Variants in FCHSD2 observed in about 807,000 individuals in gnomAD.
FCHSD2 encodes FCH and double SH3 domains 2, also known as F-BAR and double SH3 domains protein 2.
Under a neutral mutation model 108.1 loss-of-function variants are expected in FCHSD2, and 38 were observed. That is an observed-to-expected ratio of 0.35 (90% CI 0.27 to 0.46). FCHSD2 has a LOEUF of 0.46. FCHSD2 is among the 20% of genes least tolerant of loss of function. The pLI is 1.00. For missense variants in FCHSD2, 751 were observed against 897.8 expected, an observed-to-expected ratio of 0.84 and a Z score of 2.09; for synonymous variants, 279 against 314.7, an observed-to-expected ratio of 0.89 and a Z score of 1.20.
intron 3 of FCHSD2, among the ~76,000 whole-genome samples, chr11:73,065,428 T>C (rs940268050): frequency 2.6e-5 from 4 of 152,102 alleles, no homozygotes; most frequent in Non-Finnish European, 4.4e-5. Context: ...CTGGAAACAT[T>C]CCCTTTGAAA....
intron 2 of FCHSD2, among the ~76,000 whole-genome samples, chr11:73,084,449 G>A (rs964277596): frequency 3.9e-5 from 6 of 151,928 alleles, no homozygotes; most frequent in Non-Finnish European, 7.4e-5. Context: ...TGAGTGCGGC[G>A]GTGAGGTCCT....
chr11:72,870,054 T>A (rs117545018), intron 12 of FCHSD2, among the ~76,000 whole-genome samples: 2 of 152,280 alleles, frequency 1.3e-5, no homozygotes, highest in African/African-American at 2.4e-5. Context: ...CTCTGATCCA[T>A]CATGTGCTTG....
chr11:73,009,667 A>ATC (rs1857819270), intron 4 of FCHSD2, among the ~76,000 whole-genome samples: 2 of 152,034 alleles, frequency 1.3e-5, no homozygotes, highest in African/African-American at 4.8e-5. Context: ...TTTGCTGAAT[A>ATC]CAGTACCCTT....
chr11:72,843,669 G>C, intron 14 of FCHSD2, 137 bp from the exon 15 acceptor site: 1 of 635,412 alleles, frequency 1.6e-6, no homozygotes, highest in East Asian at 2.7e-5. Flanking sequence ...TTTAAATGCT[G>C]TAAAACTTTC....
intron 3 of FCHSD2, among the ~76,000 whole-genome samples, chr11:73,069,298 A>G (rs1859375503): frequency 6.8e-6 from 1 of 146,734 alleles, no homozygotes. Flanking sequence ...GTGACAGAGC[A>G]AAACTCTGTC....
chr11:72,991,368 C>G (rs1857411217), intron 5 of FCHSD2, among the ~76,000 whole-genome samples: 1 of 152,146 alleles, frequency 6.6e-6, no homozygotes, highest in South Asian at 2.1e-4. Context: ...TTTATGAGGC[C>G]AGCATCATCC....
chr11:73,066,510 A>G (rs1221324802), intron 3 of FCHSD2, among the ~76,000 whole-genome samples: 1 of 152,228 alleles, frequency 6.6e-6, no homozygotes, highest in Non-Finnish European at 1.5e-5. Context: ...TAATTAAACT[A>G]AAGAGCTTTT....
intron 8 of FCHSD2, among the ~76,000 whole-genome samples, chr11:72,959,265 T>C (rs1856777112): frequency 8.1e-6 from 1 of 123,978 alleles, no homozygotes; most frequent in Non-Finnish European, 1.6e-5. Context: ...AGTCTCGCTC[T>C]GTTGCCCAGG....
At chr11:72,993,129 A>G (rs1857450776) in intron 5 of FCHSD2, among the ~76,000 whole-genome samples, 1 of 152,344 alleles carries the variant, frequency 6.6e-6, no homozygotes, top group East Asian at 1.9e-4. Flanking sequence ...AAAAGAAGAC[A>G]TTTATGCAGC....
chr11:72,850,285 G>T (rs1043092952), intron 13 of FCHSD2, among the ~76,000 whole-genome samples: 1 of 151,976 alleles, frequency 6.6e-6, no homozygotes, highest in African/African-American at 2.4e-5. Context: ...GGCTGGTCTT[G>T]AACTCCTGGC....
rs1405388452 is a variant in FCHSD2 at position 73,070,627 on chromosome 11, TG to T, written c.165+13067del. ...TTTTAGTAGAGATGGGGTTTCACCA[TG>T]CTGGCCAGGCTGGTCTCGAACTCCT... On this transcript the variant is annotated intron_variant, in intron 3 of 19. Transcript: ENST00000409418. Among the ~76,000 whole-genome samples the T allele has an allele frequency of 5.3e-5, 8 of 152,018 alleles. No homozygotes were observed. The East Asian group carries it at 1.5e-3, about 29-fold the overall frequency.
At chr11:73,100,863 AT>A (rs560641392) in intron 2 of FCHSD2, among the ~76,000 whole-genome samples, 3,434 of 143,832 alleles carry the variant, frequency 0.024, 111 homozygotes, top group African/African-American at 0.078. Flanking sequence ...TCTACGTGGG[AT>A]TTTTTTTTTT....
At chr11:73,120,503 G>A (rs771081820) in intron 2 of FCHSD2, among the ~76,000 whole-genome samples, 9 of 152,174 alleles carry the variant, frequency 5.9e-5, no homozygotes, top group South Asian at 2.1e-4. Flanking sequence ...ACCAAGGCAG[G>A]TGGATCACCT....
chr11:72,900,220 T>TACCCAACCACCCC, intron 10 of FCHSD2: 1 of 886,386 alleles, frequency 1.1e-6, no homozygotes, highest in Non-Finnish European at 1.8e-6. Flanking sequence ...AACCCACACT[T>TACCCAACCACCCC]CCCATCCCTC....
intron 3 of FCHSD2, among the ~76,000 whole-genome samples, chr11:73,083,356 C>T (rs548112813): frequency 6.6e-6 from 1 of 151,956 alleles, no homozygotes; most frequent in Non-Finnish European, 1.5e-5. Context: ...CGAGACCATC[C>T]CGGCCAACAT....
intron 4 of FCHSD2, among the ~76,000 whole-genome samples, chr11:73,015,084 T>A (rs770628804): frequency 1.3e-5 from 2 of 152,216 alleles, no homozygotes; most frequent in Admixed American, 6.5e-5. Flanking sequence ...TCTCAGGTGA[T>A]CCACCTGCCT....
intron 2 of FCHSD2, among the ~76,000 whole-genome samples, chr11:73,103,016 GTATC>G (rs1425942875): frequency 1.3e-5 from 2 of 152,128 alleles, no homozygotes; most frequent in African/African-American, 2.4e-5. Flanking sequence ...AAACATAAGT[GTATC>G]TACTGTATGA....
chr11:73,079,864 C>T (rs571009000), intron 3 of FCHSD2, among the ~76,000 whole-genome samples: 1 of 152,044 alleles, frequency 6.6e-6, no homozygotes, highest in East Asian at 1.9e-4. Context: ...CAGAGACACA[C>T]TGGAGTATTT....
chr11:73,105,111 C>T (rs1370969081), intron 2 of FCHSD2, among the ~76,000 whole-genome samples: 3 of 152,054 alleles, frequency 2.0e-5, no homozygotes, highest in Admixed American at 2.0e-4. Context: ...TAGGTTATTC[C>T]CATTCCATAA....
Sources: allele counts gnomAD v4.1 joint callset (sites outside exome capture counted in the v4.1 genomes callset), GRCh38; gene constraint gnomAD v4.1.1; transcripts MANE v1.5; gene names NCBI Gene and HGNC (gene_info 2026-07-23, HGNC 2026-07-21).